The following GDA variants were observed in gnomAD, a reference collection of about 807,000 sequenced individuals.
GDA encodes the protein cytoplasmic PSD-95 interactor.
GDA carries 18 observed loss-of-function variants against 59.6 expected under a neutral mutation model. That is an observed-to-expected ratio of 0.30 (90% CI 0.21 to 0.45). The LOEUF is 0.45. Among genes scored for constraint, GDA ranks in the 20% least tolerant of loss-of-function variants. The pLI is 1.00. For synonymous variants in GDA, 201 were observed against 201.1 expected (o/e 1.00, Z 0.00); for missense variants, 427 against 552.3 (o/e 0.77, Z 2.27).
Position 72,249,718 on chromosome 9 carries a change from A to G in GDA, c.*1376A>G. 1 of 784,562 alleles carries G rather than the reference A, an allele frequency of 1.3e-6. No homozygotes were observed. The highest frequency in any genetic ancestry group is 1.5e-6 in the Non-Finnish European group (1 of 646,986). 48.6% of individuals were successfully genotyped at this position (784,562 alleles called of 1,614,324 possible). ...TACAAATACTATAAATGAGCAAGGA[A>G]AAGGAATAGACTTTCTTAATATATT... On this transcript the variant is annotated 3_prime_UTR_variant, in exon 14 of 14. Transcript: ENST00000358399.
intron 1 of GDA, among the ~76,000 whole-genome samples, chr9:72,123,053 A>T (rs948621308): frequency 6.6e-6 from 1 of 152,180 alleles, no homozygotes; most frequent in African/African-American, 2.4e-5. Flanking sequence ...AGCAGTATTT[A>T]TAAATTTTTT....
At position 72,211,399 on chromosome 9, in the gene GDA, G is replaced by A. The variant is rs141022100; in HGVS notation, c.472+625G>A. Among the ~76,000 whole-genome samples the A allele has an allele frequency of 5.7e-3, 873 of 152,330 alleles. 9 individuals carry two copies. Among genetic ancestry groups the A allele is most frequent in the African/African-American group, 0.02 (844 of 41,564 alleles). On this transcript the variant is annotated intron_variant, in intron 4 of 13. Transcript: ENST00000358399. The stretch of plus-strand genomic sequence containing the variant: ...GATGGTTAGACTGACGCTCAGAGAG[G>A]ATAAGTAACATGCCCAGGGTTGCAC...
chr9:72,176,880 C>T (rs920208456), intron 1 of GDA, among the ~76,000 whole-genome samples: 7 of 152,256 alleles, frequency 4.6e-5, no homozygotes, highest in Middle Eastern at 3.4e-3. Flanking sequence ...ATTCTGGTCA[C>T]CTCCTTGTGA....
Position 72,152,247 on chromosome 9 carries a change from C to T in GDA, c.123+2565C>T. On this transcript the variant is annotated intron_variant, in intron 1 of 13. Transcript: ENST00000358399. ...TCAGCGAGAGGGCACAAAGCTTACT[C>T]TGTCCTTCTGGTCTCGCTTTTAAAC... Among the ~76,000 whole-genome samples the T allele has an allele frequency of 1.3e-5, 2 of 152,224 alleles. 1 individual carries two copies. Among genetic ancestry groups the T allele is most frequent in the African/African-American group, 4.8e-5 (2 of 41,450 alleles).
At position 72,214,420 on chromosome 9, in the gene GDA, T is replaced by G. The variant is rs1282407281; in HGVS notation, c.578+429T>G. Among the ~76,000 whole-genome samples the G allele has an allele frequency of 2.0e-5, 3 of 151,826 alleles. No individual in the cohort carries two copies. The South Asian group carries it at 6.2e-4, about 32-fold the overall frequency. ...AAGCGATTCTTCCACCTCAGCCTCCTGAGTAGCTGGGACTATAGGTGCATG... is the reference window on the plus strand; with the variant it reads ...AAGCGATTCTTCCACCTCAGCCTCCGGAGTAGCTGGGACTATAGGTGCATG... On this transcript the variant is annotated intron_variant, in intron 5 of 13. Transcript: ENST00000358399.
chr9:72,255,195 T>C (rs76159487), downstream of GDA, among the ~76,000 whole-genome samples: 3,357 of 152,338 alleles, frequency 0.022, 125 homozygotes, highest in African/African-American at 0.075. Flanking sequence ...TATACTCACT[T>C]AAACCTGCTT....
At chr9:72,214,892 C>T in intron 5 of GDA, 1 of 185,634 alleles carries the variant, frequency 5.4e-6, no homozygotes, top group Non-Finnish European at 1.1e-5. Flanking sequence ...TGCCACCACA[C>T]CCAGCTAATT....
At chr9:72,208,118 C>T (rs1587649888) in intron 3 of GDA, among the ~76,000 whole-genome samples, 1 of 74,746 alleles carries the variant, frequency 1.3e-5, no homozygotes, top group South Asian at 4.9e-4. Context: ...CCCAAAATAA[C>T]AACAACAACA....
chr9:72,196,623 G>T (rs903569135), intron 2 of GDA, among the ~76,000 whole-genome samples: 1 of 151,930 alleles, frequency 6.6e-6, no homozygotes, highest in Non-Finnish European at 1.5e-5. Flanking sequence ...TGTGCAGAAC[G>T]TGCAGGTTTG....
At chr9:72,183,424 T>G (rs1366697756) in intron 1 of GDA, among the ~76,000 whole-genome samples, 1 of 151,424 alleles carries the variant, frequency 6.6e-6, no homozygotes, top group Non-Finnish European at 1.5e-5. Flanking sequence ...CATTCCTGGA[T>G]CCACCAGGCC....
At chr9:72,115,542 A>G (rs1237121308) in intron 1 of GDA, among the ~76,000 whole-genome samples, 1 of 152,238 alleles carries the variant, frequency 6.6e-6, no homozygotes, top group East Asian at 1.9e-4. Flanking sequence ...TCTGAATTGT[A>G]TTGTGATGTA....
chr9:72,164,069 C>T (rs367698369), intron 1 of GDA, among the ~76,000 whole-genome samples: 42 of 152,240 alleles, frequency 2.8e-4, no homozygotes, highest in African/African-American at 9.6e-4. Flanking sequence ...CTGCTTTGGT[C>T]ATGCTGAGTT....
chr9:72,135,597 C>G (rs780657660), intron 1 of GDA, among the ~76,000 whole-genome samples: 4 of 152,010 alleles, frequency 2.6e-5, no homozygotes, highest in Non-Finnish European at 5.9e-5. Context: ...GAAGTATGAA[C>G]AAAGTAGTAT....
chr9:72,236,234 G>A (rs1838973276), intron 10 of GDA, among the ~76,000 whole-genome samples: 1 of 152,202 alleles, frequency 6.6e-6, no homozygotes, highest in Non-Finnish European at 1.5e-5. Context: ...AGTGCCTGCA[G>A]TGGAGCATCT....
Position 72,248,871 on chromosome 9 carries a change from T to C in GDA, c.*529T>C, listed in dbSNP as rs976433022. 61 of 985,550 alleles carry C rather than the reference T, an allele frequency of 6.2e-5. No homozygotes were observed. The highest frequency in any genetic ancestry group is 7.1e-5 in the Non-Finnish European group (59 of 829,638). The allele number at this position is 985,550 out of a possible 1,614,324, so 61.1% of individuals were successfully genotyped here. A position where few individuals can be genotyped will look rare whatever the true frequency, so the allele number is the denominator to read the frequency against. On this transcript the variant is annotated 3_prime_UTR_variant, in exon 14 of 14. Coordinates refer to ENST00000358399, the MANE Select transcript of GDA (RefSeq NM_004293.5). ...AATTTAAAAAGAGAACTTGTTGAAA[T>C]TTAAAACGTGTTTCTAGGTTGACCT...
At chr9:72,237,629 C>T (rs1281998693) in intron 10 of GDA, among the ~76,000 whole-genome samples, 2 of 152,138 alleles carry the variant, frequency 1.3e-5, no homozygotes, top group Non-Finnish European at 2.9e-5. Flanking sequence ...GAATTCTAAA[C>T]CTATGTTTTC....
At position 72,202,651 on chromosome 9, in the gene GDA, C is replaced by T. The variant is rs146422167; in HGVS notation, c.293C>T (p.Pro98Leu). Residue 98 changes from proline (P) to leucine (L), a missense_variant, in exon 3 of 14, where the codon CCA (proline) becomes CTA (leucine). By Grantham distance (98) the Pro-to-Leu change is moderately conservative. Coordinates refer to ENST00000358399, the MANE Select transcript of GDA (RefSeq NM_004293.5). ...TTTGCTGGAAGTAGCATAGACCTGC[C>T]ACTCTTGGAGTGGCTGACCAAGTAC... ...YSFAGSSIDL[P>L]LLEWLTKYTF... 1 of 1,611,162 alleles carries T rather than the reference C, an allele frequency of 6.2e-7. No homozygotes were observed. Among genetic ancestry groups the T allele is most frequent in the Non-Finnish European group, 8.5e-7 (1 of 1,177,316 alleles).
upstream of GDA, among the ~76,000 whole-genome samples, chr9:72,148,309 A>ATGTGTGTG (rs58161772): frequency 2.1e-5 from 3 of 145,954 alleles, no homozygotes; most frequent in Non-Finnish European, 3.0e-5. Context: ...TGGTGTGTGT[A>ATGTGTGTG]TGTGTGTGTG....
At chr9:72,202,072 G>A (rs1834067976) in intron 2 of GDA, among the ~76,000 whole-genome samples, 1 of 152,182 alleles carries the variant, frequency 6.6e-6, no homozygotes, top group Non-Finnish European at 1.5e-5. Flanking sequence ...TAGGTTTCTT[G>A]TAGTCAGACA....
Sources: allele counts gnomAD v4.1 joint callset (sites outside exome capture counted in the v4.1 genomes callset), GRCh38; gene constraint gnomAD v4.1.1; transcripts MANE v1.5; gene names NCBI Gene and HGNC (gene_info 2026-07-23, HGNC 2026-07-21).